The following MLLT3 variants were observed in gnomAD, a reference collection of about 807,000 sequenced individuals.
MLLT3 encodes the protein protein AF-9.
In MLLT3, 4 loss-of-function variants were observed where a neutral mutation model predicts 53.2. The ratio of observed to expected loss-of-function variants is 0.08; its 90% CI spans 0.04 to 0.17. MLLT3 has a LOEUF of 0.17. Ranked by LOEUF, MLLT3 falls within the 10% of genes least tolerant of loss-of-function variation. The pLI, the probability that MLLT3 is intolerant of heterozygous loss-of-function variation, is 1.00. For synonymous variants in MLLT3, 283 were observed against 230.6 expected (o/e 1.23, Z -2.06); for missense variants, 569 against 684.0 (o/e 0.83, Z 1.87).
intron 4 of MLLT3, among the ~76,000 whole-genome samples, chr9:20,435,837 C>G (rs966130200): frequency 6.6e-6 from 1 of 152,086 alleles, no homozygotes; most frequent in Non-Finnish European, 1.5e-5. Flanking sequence ...CTTGGATTTC[C>G]TGAGCCTGTC....
chr9:20,403,113 CT>C (rs1563951924), intron 5 of MLLT3, among the ~76,000 whole-genome samples: 1 of 148,646 alleles, frequency 6.7e-6, no homozygotes, highest in South Asian at 2.1e-4. Flanking sequence ...CGAGGGCCCC[CT>C]TTTAAAAAAA....
chr9:20,427,335 A>G (rs1823162588), intron 4 of MLLT3, among the ~76,000 whole-genome samples: 2 of 152,068 alleles, frequency 1.3e-5, no homozygotes, highest in African/African-American at 4.8e-5. Flanking sequence ...GTTGGAATCA[A>G]TATCTCAATG....
chr9:20,434,450 C>A (rs554264882), intron 4 of MLLT3, among the ~76,000 whole-genome samples: 1 of 152,128 alleles, frequency 6.6e-6, no homozygotes, highest in Admixed American at 6.5e-5. Flanking sequence ...CCCCACATCT[C>A]AATCTATGCA....
chr9:20,479,094 G>C (rs367755703), intron 2 of MLLT3, among the ~76,000 whole-genome samples: 3 of 152,170 alleles, frequency 2.0e-5, no homozygotes, highest in African/African-American at 4.8e-5. Flanking sequence ...CCAACATGAT[G>C]AATCTCTTTA....
intron 2 of MLLT3, among the ~76,000 whole-genome samples, chr9:20,616,093 A>G (rs188061249): frequency 1.3e-5 from 2 of 152,280 alleles, no homozygotes; most frequent in Non-Finnish European, 1.5e-5. Flanking sequence ...GCGTTCTTCA[A>G]TTTGTAAGTG....
At chr9:20,408,039 T>G (rs904535459) in intron 5 of MLLT3, among the ~76,000 whole-genome samples, 1 of 152,196 alleles carries the variant, frequency 6.6e-6, no homozygotes, top group African/African-American at 2.4e-5. Context: ...GTAGCTCTCT[T>G]AAAGAAGGCT....
At chr9:20,376,182 AC>A (rs1343438811) in intron 5 of MLLT3, among the ~76,000 whole-genome samples, 1 of 152,184 alleles carries the variant, frequency 6.6e-6, no homozygotes, top group Non-Finnish European at 1.5e-5. Flanking sequence ...CTAGAGTGCA[AC>A]CTTTATTGCT....
At chr9:20,456,878 G>A (rs1823983344) in intron 2 of MLLT3, 92 bp from the exon 3 acceptor site, 2 of 920,636 alleles carry the variant, frequency 2.2e-6, no homozygotes, top group Non-Finnish European at 3.3e-6. Context: ...CTACCATCTA[G>A]ATCACACGCA....
Position 20,363,576 on chromosome 9 carries a change from G to A in MLLT3, c.1231C>T (p.His411Tyr). ...GPLRSIMKDL[H>Y]SDDNEEESDE... The stretch of plus-strand genomic sequence containing the variant: ...GATTCCTCCTCATTGTCATCAGAAT[G>A]CAGATCTTTCATTATAGACCTCAAA... Residue 411 changes from histidine (H) to tyrosine (Y), a missense_variant, in exon 7 of 11, where the codon CAT becomes TAT. Transcript: ENST00000380338. 6.2e-7 allele frequency: 1 copy of A among 1,613,850 alleles called. No homozygotes were observed. The highest frequency in any genetic ancestry group is 8.5e-7 in the Non-Finnish European group (1 of 1,179,898).
intron 10 of MLLT3, among the ~76,000 whole-genome samples, chr9:20,347,118 C>T (rs925784391): frequency 7.2e-6 from 1 of 139,388 alleles, no homozygotes; most frequent in Admixed American, 7.1e-5. Flanking sequence ...AAACTGTCTA[C>T]AATCCCACCC....
chr9:20,348,915 T>C (rs1820942944), intron 10 of MLLT3, among the ~76,000 whole-genome samples: 1 of 152,204 alleles, frequency 6.6e-6, no homozygotes, highest in Non-Finnish European at 1.5e-5. Context: ...TTAAGATCAA[T>C]TGAACTAAGA....
At chr9:20,388,506 T>A (rs1335654964) in intron 5 of MLLT3, among the ~76,000 whole-genome samples, 1 of 151,878 alleles carries the variant, frequency 6.6e-6, no homozygotes. Context: ...GAGAATGGAG[T>A]GAACCTGGGA....
intron 2 of MLLT3, among the ~76,000 whole-genome samples, chr9:20,481,335 C>G (rs1294214792): frequency 6.6e-6 from 1 of 152,200 alleles, no homozygotes; most frequent in Non-Finnish European, 1.5e-5. Context: ...CAGGAGCAAA[C>G]ATTTTCCTAT....
chr9:20,524,333 C>G (rs905160507), intron 2 of MLLT3, among the ~76,000 whole-genome samples: 6 of 151,856 alleles, frequency 4.0e-5, no homozygotes, highest in Admixed American at 3.9e-4. Flanking sequence ...CTATTTGTAT[C>G]AAGATACAAA....
intron 5 of MLLT3, 33 bp downstream of exon 5, chr9:20,413,688 G>C (rs1357918753): frequency 5.3e-6 from 8 of 1,498,812 alleles, no homozygotes; most frequent in Non-Finnish European, 7.2e-6. Context: ...CTGAAAATAA[G>C]GGAAAGGAAG....
At chr9:20,566,070 G>GTATATATA (rs59918419) in intron 2 of MLLT3, among the ~76,000 whole-genome samples, 3 of 131,320 alleles carry the variant, frequency 2.3e-5, no homozygotes, top group African/African-American at 8.6e-5. Context: ...ATATATTTGT[G>GTATATATA]TATATATATA....
intron 2 of MLLT3, among the ~76,000 whole-genome samples, chr9:20,593,359 T>C (rs1820174838): frequency 6.6e-6 from 1 of 152,128 alleles, no homozygotes; most frequent in African/African-American, 2.4e-5. Context: ...CTTATAGATA[T>C]TTGAGGGCAG....
intron 4 of MLLT3, among the ~76,000 whole-genome samples, chr9:20,442,508 T>C (rs75927086): frequency 0.031 from 4,741 of 152,188 alleles, 185 homozygotes; most frequent in East Asian, 0.13. Context: ...AAATTAAAAT[T>C]TGAAGAGAAG....
In MLLT3 at chr9:20,504,537, T is replaced by C. The variant is rs529926226; in HGVS notation, c.194-47751A>G. Among the ~76,000 whole-genome samples the C allele has an allele frequency of 5.3e-5, 8 of 152,086 alleles. No individual in the cohort carries two copies. The South Asian group carries it at 1.7e-3, about 32-fold the overall frequency. On this transcript the variant is annotated intron_variant, in intron 2 of 10. Coordinates refer to ENST00000380338, the MANE Select transcript of MLLT3 (RefSeq NM_004529.4). Reference sequence around the variant, plus strand: ...CATGATTTCATGTGTATGTGTAATCTAAAAAAGCTGAACTCATTGAATCAA... The same window carrying C: ...CATGATTTCATGTGTATGTGTAATCCAAAAAAGCTGAACTCATTGAATCAA...
Sources: allele counts gnomAD v4.1 joint callset (sites outside exome capture counted in the v4.1 genomes callset), GRCh38; gene constraint gnomAD v4.1.1; transcripts MANE v1.5; gene names NCBI Gene and HGNC (gene_info 2026-07-23, HGNC 2026-07-21).